The following TMPRSS15 variants were observed in gnomAD, a reference collection of about 807,000 sequenced individuals.
TMPRSS15 encodes transmembrane serine protease 15, also known as enteropeptidase.
TMPRSS15 carries 128 observed loss-of-function variants against 125.3 expected under a neutral mutation model. That is an observed-to-expected ratio of 1.02 (90% CI 0.89 to 1.18). The LOEUF (loss-of-function observed/expected upper bound fraction) is 1.18. Ranked by LOEUF, TMPRSS15 falls within the 50% of genes most tolerant of loss-of-function variation. The pLI is 0.00. For synonymous variants in TMPRSS15, 446 were observed against 423.2 expected (o/e 1.05, Z -0.66); for missense variants, 1,283 against 1,212.7 (o/e 1.06, Z -0.86).
intron 13 of TMPRSS15, 144 bp downstream of exon 13, chr21:18,341,269 C>T: frequency 1.0e-6 from 1 of 957,882 alleles, no homozygotes; most frequent in Non-Finnish European, 1.6e-6. Flanking sequence ...CAGAGTCTCG[C>T]TGTAATCCTC....
At chr21:18,288,669 T>C (rs1333606434) in intron 21 of TMPRSS15, among the ~76,000 whole-genome samples, 1 of 151,334 alleles carries the variant, frequency 6.6e-6, no homozygotes. Flanking sequence ...GCCTCCCGAG[T>C]AGCTGGGACT....
chr21:18,326,632 T>A (rs946900386), intron 15 of TMPRSS15, 60 bp from the exon 16 acceptor site: 1 of 1,603,394 alleles, frequency 6.2e-7, no homozygotes, highest in African/African-American at 1.3e-5. Flanking sequence ...GAAGGAAATG[T>A]ACCCCACATC....
At chr21:18,294,496 T>G in intron 20 of TMPRSS15, 52 bp from the exon 21 acceptor site, 2 of 1,610,872 alleles carry the variant, frequency 1.2e-6, no homozygotes, top group Non-Finnish European at 1.7e-6. Flanking sequence ...GCATTTCTTC[T>G]GATGGTGAAA....
At chr21:18,375,829 G>A (rs2075836229) in intron 5 of TMPRSS15, among the ~76,000 whole-genome samples, 1 of 152,136 alleles carries the variant, frequency 6.6e-6, no homozygotes, top group Non-Finnish European at 1.5e-5. Context: ...TTGACATTAG[G>A]AACCTCCTGT....
intron 19 of TMPRSS15, 89 bp from the exon 20 acceptor site, chr21:18,294,741 G>T: frequency 8.6e-7 from 1 of 1,159,536 alleles, no homozygotes; most frequent in Non-Finnish European, 1.3e-6. Flanking sequence ...TTTTGCTTTA[G>T]TAAAATGGAC....
At chr21:18,473,450 C>G (rs190847089) in intron 1 of TMPRSS15, among the ~76,000 whole-genome samples, 29 of 151,974 alleles carry the variant, frequency 1.9e-4, no homozygotes, top group Non-Finnish European at 2.4e-4. Context: ...CAAAAAAGAA[C>G]CTCATAATAT....
chr21:18,342,362 C>T (rs1569020333), intron 12 of TMPRSS15, among the ~76,000 whole-genome samples: 1 of 152,208 alleles, frequency 6.6e-6, no homozygotes, highest in Non-Finnish European at 1.5e-5. Flanking sequence ...TCATGCCAGA[C>T]ATTATTCCAG....
At chr21:18,474,728 T>C (rs1052472177) in intron 1 of TMPRSS15, among the ~76,000 whole-genome samples, 3 of 152,202 alleles carry the variant, frequency 2.0e-5, no homozygotes, top group East Asian at 3.8e-4. Flanking sequence ...ACAAAAGATG[T>C]TACTGGGTTC....
At chr21:18,444,027 C>T (rs1028601258) in intron 1 of TMPRSS15, among the ~76,000 whole-genome samples, 1 of 152,136 alleles carries the variant, frequency 6.6e-6, no homozygotes. Flanking sequence ...ACAGCCTCCT[C>T]TTATTGCTAG....
chr21:18,474,461 TG>T (rs1978839784), intron 1 of TMPRSS15, among the ~76,000 whole-genome samples: 1 of 152,074 alleles, frequency 6.6e-6, no homozygotes, highest in South Asian at 2.1e-4. Context: ...CAGCTAATTT[TG>T]TATTTTTAGT....
intron 1 of TMPRSS15, among the ~76,000 whole-genome samples, chr21:18,444,167 C>A (rs542790906): frequency 7.2e-5 from 11 of 152,288 alleles, no homozygotes; most frequent in African/African-American, 2.4e-4. Context: ...CCAAGGGTTG[C>A]AGCAGCCTGT....
intron 1 of TMPRSS15, among the ~76,000 whole-genome samples, chr21:18,423,752 C>T (rs984763286): frequency 2.0e-5 from 3 of 152,034 alleles, no homozygotes; most frequent in East Asian, 1.9e-4. Flanking sequence ...TCAGTGGTTC[C>T]GCTTCCCTAG....
chr21:18,283,798 C>T (rs1256858045), intron 21 of TMPRSS15, among the ~76,000 whole-genome samples: 3 of 152,066 alleles, frequency 2.0e-5, no homozygotes, highest in Non-Finnish European at 4.4e-5. Context: ...AGAGAAAGAG[C>T]ATCTAAACTC....
chr21:18,294,593 A>C lies in TMPRSS15; in HGVS notation c.2311+10T>G. On this transcript the variant is annotated intron_variant, in intron 20 of 24. Coordinates refer to ENST00000284885, the MANE Select transcript of TMPRSS15 (RefSeq NM_002772.3). ...TGCTTGAAGTGGGATATGACAACAT[A>C]TTTACTTACATTTATGGTTACACTG... 5.6e-6 allele frequency: 9 copies of C among 1,609,362 alleles called. No individual in the cohort carries two copies. The highest frequency in any genetic ancestry group is 7.7e-6 in the Non-Finnish European group (9 of 1,175,764).
intron 7 of TMPRSS15, among the ~76,000 whole-genome samples, chr21:18,364,747 GAGATTTCCACATGGTAAGC>G (rs1218192924): frequency 2.6e-5 from 4 of 152,182 alleles, no homozygotes; most frequent in Admixed American, 6.5e-5. Flanking sequence ...CACACCTTTA[GAGATTTCCACATGGTAAGC>G]AGCAAAATGA....
chr21:18,392,552 C>T (rs372448494), intron 3 of TMPRSS15, among the ~76,000 whole-genome samples: 22 of 152,192 alleles, frequency 1.4e-4, no homozygotes, highest in African/African-American at 4.3e-4. Flanking sequence ...GACTCCTTCC[C>T]GTCTTCTTCT....
At chr21:18,402,527 CA>C (rs60612261) in intron 1 of TMPRSS15, among the ~76,000 whole-genome samples, 1,696 of 109,010 alleles carry the variant, frequency 0.016, 8 homozygotes, top group Non-Finnish European at 0.022. Context: ...GACTCTATCT[CA>C]AAAAAAAAAA....
chr21:18,345,668 G>C (rs1166342109), intron 10 of TMPRSS15, among the ~76,000 whole-genome samples: 1 of 136,480 alleles, frequency 7.3e-6, no homozygotes, highest in African/African-American at 2.7e-5. Flanking sequence ...GTGAACCCGG[G>C]AGGTGGAGCT....
At chr21:18,288,984 A>G (rs2074801139) in intron 21 of TMPRSS15, among the ~76,000 whole-genome samples, 1 of 152,170 alleles carries the variant, frequency 6.6e-6, no homozygotes, top group South Asian at 2.1e-4. Context: ...AATTAAACTA[A>G]TTATATGTAT....
Sources: gnomAD v4.1 joint callset for allele counts (sites outside exome capture counted in the v4.1 genomes callset) on GRCh38, gnomAD v4.1.1 for gene constraint, MANE v1.5 for transcripts, NCBI Gene and HGNC (gene_info 2026-07-23, HGNC 2026-07-21) for gene names.